The following LRGUK variants were observed in gnomAD, a reference collection of about 807,000 sequenced individuals.
LRGUK encodes leucine rich repeats and guanylate kinase domain containing, also known as leucine-rich repeat and guanylate kinase domain-containing protein.
Under a neutral mutation model 76.0 loss-of-function variants are expected in LRGUK, and 65 were observed. The observed-to-expected ratio is 0.85, with a 90% CI of 0.70 to 1.05. LRGUK has a LOEUF of 1.05. Among genes scored for constraint, LRGUK ranks in the 50% least tolerant of loss-of-function variants. The probability of loss-of-function intolerance (pLI) is 0.00; values close to 1 mark genes in which losing one functional copy is unlikely to be tolerated. For synonymous variants in LRGUK, 268 were observed against 265.6 expected (o/e 1.01, Z -0.09); for missense variants, 758 against 732.8 (o/e 1.03, Z -0.40).
chr7:134,166,488 G>A (rs1237468429), intron 7 of LRGUK, among the ~76,000 whole-genome samples: 1 of 152,126 alleles, frequency 6.6e-6, no homozygotes, highest in Non-Finnish European at 1.5e-5. Context: ...GAAAAACGCT[G>A]TCTTACTTCT....
chr7:134,160,477 T>C (rs1232595033), intron 6 of LRGUK, among the ~76,000 whole-genome samples: 1 of 152,208 alleles, frequency 6.6e-6, no homozygotes, highest in Non-Finnish European at 1.5e-5. Context: ...TTTGTTTCAA[T>C]AGTTTTTAAT....
intron 16 of LRGUK, among the ~76,000 whole-genome samples, chr7:134,234,947 G>A (rs1264016579): frequency 6.6e-6 from 1 of 152,070 alleles, no homozygotes; most frequent in Non-Finnish European, 1.5e-5. Context: ...TATCCAATCT[G>A]TCAAAAACTT....
chr7:134,142,105 T>C (rs1797789859), intron 3 of LRGUK, among the ~76,000 whole-genome samples: 1 of 152,190 alleles, frequency 6.6e-6, no homozygotes, highest in Non-Finnish European at 1.5e-5. Context: ...GTAGAAGCAC[T>C]TCGCTTGGCT....
At chr7:134,192,386 G>T (rs950358804) in intron 12 of LRGUK, among the ~76,000 whole-genome samples, 3 of 152,206 alleles carry the variant, frequency 2.0e-5, no homozygotes, top group Non-Finnish European at 2.9e-5. Flanking sequence ...TGAGGACTAT[G>T]TTTTTACAAG....
chr7:134,237,377 T>A (rs1418565010), intron 16 of LRGUK, among the ~76,000 whole-genome samples: 3 of 152,178 alleles, frequency 2.0e-5, no homozygotes, highest in African/African-American at 7.2e-5. Context: ...GATAATGAAT[T>A]GGCTCCCTTT....
intron 16 of LRGUK, among the ~76,000 whole-genome samples, chr7:134,235,690 C>T (rs188791180): frequency 1.1e-4 from 17 of 152,232 alleles, no homozygotes; most frequent in East Asian, 3.9e-4. Context: ...TTATTTTATA[C>T]GATGCTAGGC....
chr7:134,190,456 C>A (rs1460255074), intron 11 of LRGUK, among the ~76,000 whole-genome samples: 1 of 152,238 alleles, frequency 6.6e-6, no homozygotes, highest in Non-Finnish European at 1.5e-5. Context: ...AATCCTCCTG[C>A]CTTGGCCTCC....
chr7:134,133,258 A>G (rs1797386390), intron 1 of LRGUK, among the ~76,000 whole-genome samples: 1 of 152,138 alleles, frequency 6.6e-6, no homozygotes, highest in African/African-American at 2.4e-5. Flanking sequence ...GATTTTGTAC[A>G]TGCTGCCCCT....
intron 18 of LRGUK, among the ~76,000 whole-genome samples, chr7:134,250,140 C>T (rs138448711): frequency 8.9e-4 from 136 of 152,200 alleles, no homozygotes; most frequent in African/African-American, 3.1e-3. Flanking sequence ...ACAAAGTGAC[C>T]GGAAGAAAGC....
chr7:134,176,738 A>G (rs901825479), intron 8 of LRGUK, among the ~76,000 whole-genome samples: 4 of 152,218 alleles, frequency 2.6e-5, no homozygotes, highest in Admixed American at 1.3e-4. Flanking sequence ...GTTAATCTCA[A>G]ATCTCACAGG....
At chr7:134,265,235 G>A (rs986440119), downstream of LRGUK, among the ~76,000 whole-genome samples, 7 of 152,084 alleles carry the variant, frequency 4.6e-5, no homozygotes, top group Non-Finnish European at 1.5e-5. Flanking sequence ...AATATTTTAG[G>A]GACAATAGAA....
intron 1 of LRGUK, among the ~76,000 whole-genome samples, chr7:134,134,334 G>A (rs1044244470): frequency 1.3e-5 from 2 of 152,216 alleles, no homozygotes; most frequent in East Asian, 3.9e-4. Context: ...AAAGTAAGCT[G>A]TCTGGAGCTG....
At chr7:134,162,218 G>A (rs1215816803) in intron 6 of LRGUK, among the ~76,000 whole-genome samples, 1 of 152,180 alleles carries the variant, frequency 6.6e-6, no homozygotes, top group East Asian at 1.9e-4. Context: ...GCTCAGCTGG[G>A]AGGTTCTTCC....
intron 4 of LRGUK, among the ~76,000 whole-genome samples, chr7:134,145,349 G>C (rs1797925480): frequency 6.6e-6 from 1 of 152,064 alleles, no homozygotes; most frequent in Admixed American, 6.5e-5. Flanking sequence ...CCAGGTTCAA[G>C]CAATTCTCCT....
intron 15 of LRGUK, among the ~76,000 whole-genome samples, chr7:134,215,712 C>T (rs1216696323): frequency 1.3e-5 from 2 of 152,140 alleles, no homozygotes; most frequent in South Asian, 2.1e-4. Flanking sequence ...CCACCAAGTT[C>T]CACTTCAGAT....
intron 16 of LRGUK, among the ~76,000 whole-genome samples, chr7:134,246,234 A>G (rs1802298822): frequency 1.3e-5 from 2 of 152,202 alleles, no homozygotes; most frequent in Admixed American, 1.3e-4. Context: ...CCCCAAATTT[A>G]TACTGTTGTA....
At chr7:134,258,515 T>C in intron 19 of LRGUK, 110 bp downstream of exon 19, 6 of 987,338 alleles carry the variant, frequency 6.1e-6, no homozygotes, top group Non-Finnish European at 8.7e-6. Flanking sequence ...CTGGCCAAAA[T>C]TGTGAAACCC....
intron 7 of LRGUK, among the ~76,000 whole-genome samples, chr7:134,171,347 A>G (rs1289936309): frequency 1.3e-5 from 2 of 151,960 alleles, no homozygotes; most frequent in African/African-American, 4.8e-5. Flanking sequence ...GTGGCAGCGA[A>G]AAAAATTTTA....
At chr7:134,255,853 A>C (rs1005972331) in intron 18 of LRGUK, among the ~76,000 whole-genome samples, 3 of 152,070 alleles carry the variant, frequency 2.0e-5, no homozygotes, top group Non-Finnish European at 4.4e-5. Flanking sequence ...TGGTCTCAGC[A>C]TGATTCCTTG....
Sources: gnomAD v4.1 joint callset for allele counts (sites outside exome capture counted in the v4.1 genomes callset) on GRCh38, gnomAD v4.1.1 for gene constraint, MANE v1.5 for transcripts, NCBI Gene and HGNC (gene_info 2026-07-23, HGNC 2026-07-21) for gene names.